Variants in PABPC4L observed in about 807,000 individuals in gnomAD.
PABPC4L encodes poly(A) binding protein cytoplasmic 4 like.
For synonymous variants in PABPC4L, 169 were observed against 164.1 expected (o/e 1.03, Z -0.23); for missense variants, 452 against 451.4 (o/e 1.00, Z -0.01).
At chr4:133,987,603 T>G in the PABPC4L span, among the ~76,000 whole-genome samples, 1 of 152,190 alleles carries the variant, frequency 6.6e-6, no homozygotes, top group Non-Finnish European at 1.5e-5. Flanking sequence ...CTATACAGAT[T>G]TTGTGGGATC....
At chr4:134,180,892 C>T in the PABPC4L span, among the ~76,000 whole-genome samples, 1 of 151,708 alleles carries the variant, frequency 6.6e-6, no homozygotes, top group Admixed American at 6.6e-5. Context: ...TAATAAAATG[C>T]CTACCAACCA....
the PABPC4L span, among the ~76,000 whole-genome samples, chr4:134,068,553 C>T: frequency 2.1e-3 from 324 of 152,156 alleles, 1 homozygote; most frequent in African/African-American, 7.3e-3. Context: ...TGAAATTGAT[C>T]ATGTCATCAT....
the PABPC4L span, among the ~76,000 whole-genome samples, chr4:134,006,798 T>C: frequency 6.6e-6 from 1 of 151,902 alleles, no homozygotes; most frequent in African/African-American, 2.4e-5. Context: ...AAATCTTTTA[T>C]TTGGTTCAAA....
the PABPC4L span, among the ~76,000 whole-genome samples, chr4:134,091,464 C>T: frequency 8.6e-5 from 13 of 151,874 alleles, no homozygotes; most frequent in Non-Finnish European, 1.9e-4. Context: ...TAGGAACTTT[C>T]ATCTCTATTA....
At chr4:133,953,836 T>G in the PABPC4L span, among the ~76,000 whole-genome samples, 1 of 152,180 alleles carries the variant, frequency 6.6e-6, no homozygotes, top group Non-Finnish European at 1.5e-5. Flanking sequence ...AAACAGAATA[T>G]TCATGATTGA....
the PABPC4L span, among the ~76,000 whole-genome samples, chr4:134,109,018 T>G: frequency 6.6e-6 from 1 of 151,942 alleles, no homozygotes; most frequent in African/African-American, 2.4e-5. Context: ...AGGTGAACAG[T>G]TCAACATATT....
At chr4:134,025,468 T>G in the PABPC4L span, among the ~76,000 whole-genome samples, 1 of 152,096 alleles carries the variant, frequency 6.6e-6, no homozygotes, top group African/African-American at 2.4e-5. Flanking sequence ...GAGCACCAGC[T>G]CTTAAACCAG....
chr4:134,074,186 G>T, the PABPC4L span, among the ~76,000 whole-genome samples: 1 of 152,102 alleles, frequency 6.6e-6, no homozygotes, highest in Admixed American at 6.6e-5. Context: ...TTGCCACTTA[G>T]AAATTTCTTC....
the PABPC4L span, among the ~76,000 whole-genome samples, chr4:133,999,107 G>A: frequency 6.6e-6 from 1 of 151,882 alleles, no homozygotes; most frequent in Non-Finnish European, 1.5e-5. Context: ...ATGCCCCTTT[G>A]TCCAATCATA....
chr4:134,015,130 T>C, the PABPC4L span, among the ~76,000 whole-genome samples: 1 of 152,026 alleles, frequency 6.6e-6, no homozygotes, highest in African/African-American at 2.4e-5. Context: ...TAAAACCTAA[T>C]CACCCTTACC....
the PABPC4L span, among the ~76,000 whole-genome samples, chr4:134,037,164 C>G: frequency 6.6e-6 from 1 of 151,670 alleles, no homozygotes; most frequent in Non-Finnish European, 1.5e-5. Flanking sequence ...TTAGGATTGT[C>G]TTTTCTAATT....
the PABPC4L span, among the ~76,000 whole-genome samples, chr4:134,162,569 C>T: frequency 2.0e-5 from 3 of 152,060 alleles, no homozygotes; most frequent in Admixed American, 6.6e-5. Flanking sequence ...GTACACTCTT[C>T]TCATCAGCAC....
the PABPC4L span, among the ~76,000 whole-genome samples, chr4:134,095,965 A>G: frequency 6.6e-6 from 1 of 151,912 alleles, no homozygotes. Context: ...ACTTTACTTC[A>G]ATATCATTGA....
At chr4:134,131,714 CAAAAAAAAAAAAAAA>C in the PABPC4L span, among the ~76,000 whole-genome samples, 1 of 10,670 alleles carries the variant, frequency 9.4e-5, no homozygotes, top group Non-Finnish European at 1.6e-4. Flanking sequence ...CCTGTGAAAC[CAAAAAAAAAAAAAAA>C]AAAAAAAAAA....
At chr4:133,970,737 T>A in the PABPC4L span, among the ~76,000 whole-genome samples, 4 of 152,080 alleles carry the variant, frequency 2.6e-5, no homozygotes, top group Non-Finnish European at 5.9e-5. Flanking sequence ...GATTAGGTCA[T>A]GAGAGCACAG....
At chr4:134,193,308 C>A (rs1479921823), downstream of PABPC4L, among the ~76,000 whole-genome samples, 1 of 151,654 alleles carries the variant, frequency 6.6e-6, no homozygotes, top group Non-Finnish European at 1.5e-5. Flanking sequence ...GATCAGATAT[C>A]CCACAAATAA....
At chr4:134,171,979 A>T in the PABPC4L span, among the ~76,000 whole-genome samples, 1 of 152,192 alleles carries the variant, frequency 6.6e-6, no homozygotes, top group East Asian at 1.9e-4. Flanking sequence ...ATATCTCTAC[A>T]ATGAGAATTA....
chr4:134,139,167 C>T, the PABPC4L span, among the ~76,000 whole-genome samples: 3 of 151,860 alleles, frequency 2.0e-5, no homozygotes, highest in Admixed American at 2.0e-4. Flanking sequence ...ATTTAGTTAG[C>T]TTTGAAAATA....
chr4:134,115,607 A>T, the PABPC4L span, among the ~76,000 whole-genome samples: 1 of 151,810 alleles, frequency 6.6e-6, no homozygotes, highest in East Asian at 1.9e-4. Flanking sequence ...TTTCTTGAAT[A>T]TCTTCATGCA....
Sources: gnomAD v4.1 joint callset for allele counts (sites outside exome capture counted in the v4.1 genomes callset) on GRCh38, gnomAD v4.1.1 for gene constraint, MANE v1.5 for transcripts, NCBI Gene and HGNC (gene_info 2026-07-23, HGNC 2026-07-21) for gene names.